NRIP1: variants seen among roughly 807,000 people sequenced by gnomAD.
NRIP1 encodes the protein nuclear receptor-interacting protein 1.
Under a neutral mutation model 75.0 loss-of-function variants are expected in NRIP1, and 28 were observed. The observed-to-expected ratio is 0.37, with a 90% CI of 0.28 to 0.51. The LOEUF is 0.51. Among genes scored for constraint, NRIP1 ranks in the 20% least tolerant of loss-of-function variants. NRIP1 has a pLI of 0.92. For synonymous variants in NRIP1, 526 were observed against 487.6 expected, an observed-to-expected ratio of 1.08 and a Z score of -1.04; for missense variants, 1,435 against 1,343.7, an observed-to-expected ratio of 1.07 and a Z score of -1.06.
Position 15,014,827 on chromosome 21 carries a change from T to TA in NRIP1, c.-457-362dup, listed in dbSNP as rs56153791. Among the ~76,000 whole-genome samples, 3,363 of 144,500 alleles carry TA rather than the reference T, an allele frequency of 0.023. 213 individuals are homozygous for TA. The East Asian group carries it at 0.26, about 11-fold the overall frequency. The allele number at this position is 144,500 out of a possible 152,430, so 94.8% of individuals were successfully genotyped here. ...TAAATCCTCCTAAACGTGTATTTCT[T>TA]AAAAAAAAAAAAAAGAATAGCTATA... On this transcript the variant is annotated intron_variant, in intron 2 of 3. Transcript: ENST00000318948.
chr21:14,987,563 G>A (rs982452377), intron 3 of NRIP1, among the ~76,000 whole-genome samples: 4 of 152,210 alleles, frequency 2.6e-5, no homozygotes, highest in African/African-American at 4.8e-5. Context: ...GAAGACAAAT[G>A]TTCCTGGGGC....
intron 3 of NRIP1, among the ~76,000 whole-genome samples, chr21:14,982,020 CTT>C (rs1013197162): frequency 9.2e-5 from 14 of 151,868 alleles, no homozygotes; most frequent in African/African-American, 3.4e-4. Flanking sequence ...GCCTGACTAA[CTT>C]TTGATTTTTG....
At chr21:15,011,676 G>A (rs1339454533) in intron 3 of NRIP1, among the ~76,000 whole-genome samples, 1 of 152,120 alleles carries the variant, frequency 6.6e-6, no homozygotes, top group Admixed American at 6.5e-5. Context: ...GAGAAAATTA[G>A]TATATTCAAG....
At chr21:15,054,783 G>A (rs1409518777) in intron 1 of NRIP1, among the ~76,000 whole-genome samples, 3 of 152,222 alleles carry the variant, frequency 2.0e-5, no homozygotes, top group East Asian at 3.9e-4. Context: ...ACACTTACAG[G>A]ACCAACAGTA....
chr21:15,005,233 T>C (rs562311429), intron 3 of NRIP1, among the ~76,000 whole-genome samples: 37 of 152,304 alleles, frequency 2.4e-4, no homozygotes, highest in Non-Finnish European at 2.9e-4. Flanking sequence ...TTAAATCCTC[T>C]CCATCAACTA....
intron 3 of NRIP1, among the ~76,000 whole-genome samples, chr21:14,977,615 G>T (rs2087109332): frequency 6.6e-6 from 1 of 151,732 alleles, no homozygotes; most frequent in Non-Finnish European, 1.5e-5. Flanking sequence ...AGGAATAAAA[G>T]AAACATTCAA....
chr21:14,995,776 T>A (rs1187213834), intron 3 of NRIP1, among the ~76,000 whole-genome samples: 2 of 152,100 alleles, frequency 1.3e-5, no homozygotes, highest in Non-Finnish European at 2.9e-5. Flanking sequence ...CGTGTGTGTG[T>A]GTGTGTGTGT....
intron 3 of NRIP1, among the ~76,000 whole-genome samples, chr21:14,976,763 G>T (rs1459765525): frequency 6.6e-6 from 1 of 152,164 alleles, no homozygotes; most frequent in Non-Finnish European, 1.5e-5. Flanking sequence ...ATTTTTGGTT[G>T]AGAATAGAGA....
rs147652146 is a variant in NRIP1 at position 14,971,181 on chromosome 21, G to A, written c.-334-2655C>T. Among the ~76,000 whole-genome samples the A allele has an allele frequency of 5.1e-4, 77 of 152,198 alleles. No individual in the cohort carries two copies. The East Asian group carries it at 0.01, about 20-fold the overall frequency. ...ATTTTATTAAGCTCCTTGGGTCTGA[G>A]GACTGTGCTAATTATAATTACTACA... On this transcript the variant is annotated intron_variant, in intron 3 of 3. Coordinates refer to ENST00000318948, the MANE Select transcript of NRIP1 (RefSeq NM_003489.4).
At chr21:14,972,316 T>C (rs1372314619) in intron 3 of NRIP1, among the ~76,000 whole-genome samples, 1 of 152,134 alleles carries the variant, frequency 6.6e-6, no homozygotes, top group Non-Finnish European at 1.5e-5. Context: ...TTCTATAGTA[T>C]AGAATATAAT....
chr21:14,976,279 A>G (rs893192930), intron 3 of NRIP1, among the ~76,000 whole-genome samples: 13 of 152,176 alleles, frequency 8.5e-5, no homozygotes, highest in Non-Finnish European at 1.5e-4. Flanking sequence ...GAATTATTTT[A>G]GAAAGTAATA....
At chr21:15,054,873 C>A (rs908537931) in intron 1 of NRIP1, among the ~76,000 whole-genome samples, 1 of 152,140 alleles carries the variant, frequency 6.6e-6, no homozygotes, top group African/African-American at 2.4e-5. Context: ...ACAATCAGGG[C>A]GTACACAAAA....
At chr21:15,031,748 A>T (rs1244712894) in intron 2 of NRIP1, among the ~76,000 whole-genome samples, 17 of 91,548 alleles carry the variant, frequency 1.9e-4, no homozygotes, top group South Asian at 7.5e-4. Flanking sequence ...CGCTCGGAGG[A>T]TCACCACATT....
At chr21:15,019,207 T>C (rs1264726346) in intron 2 of NRIP1, among the ~76,000 whole-genome samples, 1 of 149,300 alleles carries the variant, frequency 6.7e-6, no homozygotes, top group Non-Finnish European at 1.5e-5. Flanking sequence ...TCTAAGATAA[T>C]TGCCTACAAC....
intron 1 of NRIP1, among the ~76,000 whole-genome samples, chr21:15,056,841 TTTAGGTTCAAAAATTCCATAAA>T (rs1308105880): frequency 6.6e-6 from 1 of 152,140 alleles, no homozygotes; most frequent in Non-Finnish European, 1.5e-5. Context: ...GCTTGAATCT[TTTAGGTTCAAAAATTCCATAAA>T]TTTTAAATGA....
In NRIP1 at chr21:14,967,297, G is replaced by A. The variant is rs779641400; in HGVS notation, c.896C>T (p.Ala299Val). The A allele has an allele frequency of 1.9e-6, 3 of 1,613,904 alleles. No homozygotes were observed. The East Asian group carries it at 6.7e-5, about 36-fold the overall frequency. ...ATTTTCTTGCAATCTGGCCATAGCA[G>A]CAAGTCTTTCACTTGCTGCTTGATT... is the stretch of plus-strand genomic sequence containing the variant. Reference protein sequence around the residue: ...NANQAASERLAAMARLQENGQ... With the variant: ...NANQAASERLVAMARLQENGQ... Residue 299 changes from alanine (A) to valine (V), a missense_variant, in exon 4 of 4, where the codon GCT becomes GTT. Coordinates refer to ENST00000318948, the MANE Select transcript of NRIP1 (RefSeq NM_003489.4).
In NRIP1 at chr21:14,964,013, A is replaced by AAAT. The variant is rs1400753901; in HGVS notation, c.*700_*702dup. 6.6e-6 allele frequency: 1 copy of AAAT among 152,584 alleles called. No homozygotes were observed. The allele number at this position is 152,584 out of a possible 1,614,324, so 9.5% of individuals were successfully genotyped here. Reference sequence around the variant, plus strand: ...AAAGTAGTTAAAATACAAAAAATGGAAATCTGCCTTTTTTTTAAAGGATCT... The same window carrying AAAT: ...AAAGTAGTTAAAATACAAAAAATGGAAATAATCTGCCTTTTTTTTAAAGGATCT... On this transcript the variant is annotated 3_prime_UTR_variant, in exon 4 of 4. Coordinates refer to ENST00000318948, the MANE Select transcript of NRIP1 (RefSeq NM_003489.4).
At chr21:15,028,524 T>C (rs1286377614) in intron 2 of NRIP1, among the ~76,000 whole-genome samples, 4 of 152,228 alleles carry the variant, frequency 2.6e-5, no homozygotes, top group South Asian at 4.1e-4. Flanking sequence ...TCTTTTTGTA[T>C]GTATATTTTT....
At chr21:15,018,657 A>G (rs1015963068) in intron 2 of NRIP1, among the ~76,000 whole-genome samples, 1 of 152,164 alleles carries the variant, frequency 6.6e-6, no homozygotes, top group Non-Finnish European at 1.5e-5. Flanking sequence ...ATAAAGGATG[A>G]TCTCAAATTT....
Sources: allele counts gnomAD v4.1 joint callset (sites outside exome capture counted in the v4.1 genomes callset), GRCh38; gene constraint gnomAD v4.1.1; transcripts MANE v1.5; gene names NCBI Gene and HGNC (gene_info 2026-07-23, HGNC 2026-07-21).